Variants in KCNK2 observed in about 807,000 individuals in gnomAD.
KCNK2 encodes the protein potassium two pore domain channel subfamily K member 2, also known as potassium channel subfamily K member 2.
In KCNK2, 21 loss-of-function variants were observed where a neutral mutation model predicts 40.5. The observed-to-expected ratio is 0.52, with a 90% confidence interval of 0.37 to 0.75. The LOEUF is 0.75. Among genes scored for constraint, KCNK2 ranks in the 30% least tolerant of loss-of-function variants. The pLI is 0.00. For missense variants in KCNK2, 399 were observed against 531.6 expected (o/e 0.75, Z 2.45); for synonymous variants, 191 against 202.2 (o/e 0.94, Z 0.47).
intron 6 of KCNK2, among the ~76,000 whole-genome samples, chr1:215,224,064 A>T (rs983440264): frequency 6.6e-6 from 1 of 152,164 alleles, no homozygotes; most frequent in African/African-American, 2.4e-5. Context: ...GTCTAAGTTT[A>T]TATAGATAAG....
At chr1:215,080,617 A>G (rs941643811), upstream of KCNK2, among the ~76,000 whole-genome samples, 11 of 152,216 alleles carry the variant, frequency 7.2e-5, no homozygotes, top group Non-Finnish European at 1.5e-4. Flanking sequence ...TATTATGGTG[A>G]ACAGAGAGAT....
At chr1:215,226,671 C>T (rs1666398880) in intron 6 of KCNK2, among the ~76,000 whole-genome samples, 1 of 152,018 alleles carries the variant, frequency 6.6e-6, no homozygotes, top group African/African-American at 2.4e-5. Context: ...GATGATAAAG[C>T]TCAGGTTCTG....
chr1:215,127,506 C>T (rs990975036), intron 3 of KCNK2, among the ~76,000 whole-genome samples: 3 of 152,108 alleles, frequency 2.0e-5, no homozygotes, highest in African/African-American at 7.2e-5. Context: ...TATACCAGTC[C>T]TGTTGGCTTT....
intron 2 of KCNK2, among the ~76,000 whole-genome samples, chr1:215,113,768 G>A (rs547597931): frequency 6.6e-5 from 10 of 152,150 alleles, no homozygotes; most frequent in African/African-American, 2.4e-4. Context: ...GATAACTTTT[G>A]TATTTTTAGT....
At chr1:215,141,611 C>A (rs1050400846) in intron 3 of KCNK2, among the ~76,000 whole-genome samples, 1 of 152,082 alleles carries the variant, frequency 6.6e-6, no homozygotes, top group South Asian at 2.1e-4. Flanking sequence ...TTCATACTTG[C>A]AAATGGCTTT....
chr1:215,012,414 G>A (rs781248593), intron 1 of KCNK2, among the ~76,000 whole-genome samples: 1 of 151,640 alleles, frequency 6.6e-6, no homozygotes, highest in East Asian at 1.9e-4. Flanking sequence ...CTTTTCATGT[G>A]TTATTTGCAA....
At chr1:215,056,820 C>G (rs937300445) in intron 1 of KCNK2, among the ~76,000 whole-genome samples, 30 of 151,936 alleles carry the variant, frequency 2.0e-4, no homozygotes, top group African/African-American at 7.0e-4. Flanking sequence ...GCAGAGACCA[C>G]AGAACCACAT....
intron 1 of KCNK2, among the ~76,000 whole-genome samples, chr1:215,025,572 A>G (rs1042719467): frequency 1.3e-5 from 2 of 152,056 alleles, no homozygotes; most frequent in Non-Finnish European, 2.9e-5. Flanking sequence ...ATGTCACATT[A>G]TATATTATGT....
chr1:215,221,283 A>C (rs1312994434), intron 6 of KCNK2, among the ~76,000 whole-genome samples: 1 of 152,024 alleles, frequency 6.6e-6, no homozygotes, highest in African/African-American at 2.4e-5. Flanking sequence ...CTGAGGCAGG[A>C]GAGTTGCTTG....
At chr1:215,156,617 A>G (rs1392345154) in intron 3 of KCNK2, among the ~76,000 whole-genome samples, 2 of 152,154 alleles carry the variant, frequency 1.3e-5, no homozygotes, top group Non-Finnish European at 2.9e-5. Context: ...ATAATGAACT[A>G]CCTGAGACTG....
At chr1:215,114,937 G>T (rs1660858193) in intron 2 of KCNK2, among the ~76,000 whole-genome samples, 1 of 151,400 alleles carries the variant, frequency 6.6e-6, no homozygotes, top group African/African-American at 2.4e-5. Context: ...GACTAATTTG[G>T]GTTGTAGGAA....
intron 3 of KCNK2, among the ~76,000 whole-genome samples, chr1:215,157,493 C>T (rs376592964): frequency 6.6e-6 from 1 of 152,194 alleles, no homozygotes; most frequent in East Asian, 1.9e-4. Context: ...TCTTTGGAAG[C>T]CAGAATGACT....
intron 1 of KCNK2, among the ~76,000 whole-genome samples, chr1:215,041,498 C>G (rs1275875929): frequency 6.6e-6 from 1 of 152,226 alleles, no homozygotes; most frequent in South Asian, 2.1e-4. Flanking sequence ...TAACTTTTTC[C>G]TAAAATGAGG....
chr1:215,006,997 C>CTATATATATATA (rs199497700), intron 1 of KCNK2, among the ~76,000 whole-genome samples: 79 of 81,664 alleles, frequency 9.7e-4, no homozygotes, highest in African/African-American at 3.1e-3. Flanking sequence ...GACCAATTCA[C>CTATATATATATA]TATATATATA....
At chr1:215,064,716 C>T (rs1198030140) in intron 1 of KCNK2, among the ~76,000 whole-genome samples, 1 of 152,132 alleles carries the variant, frequency 6.6e-6, no homozygotes, top group Non-Finnish European at 1.5e-5. Context: ...GAAACAGGGG[C>T]CACTCTGTTT....
chr1:215,189,101 T>C (rs1219251656), intron 5 of KCNK2, among the ~76,000 whole-genome samples: 1 of 152,184 alleles, frequency 6.6e-6, no homozygotes, highest in Non-Finnish European at 1.5e-5. Context: ...CACTCCCTGA[T>C]TTAACTTGTG....
chr1:215,175,436 A>G (rs1442618274), intron 5 of KCNK2, among the ~76,000 whole-genome samples: 1 of 137,888 alleles, frequency 7.3e-6, no homozygotes, highest in African/African-American at 2.5e-5. Flanking sequence ...TTGATACCAA[A>G]TGTCTGCCTC....
intron 1 of KCNK2, among the ~76,000 whole-genome samples, chr1:215,037,184 G>A (rs879672085): frequency 2.0e-5 from 3 of 151,372 alleles, no homozygotes; most frequent in East Asian, 1.9e-4. Flanking sequence ...TTTTCTTTTC[G>A]TAGTCAATTA....
intron 3 of KCNK2, among the ~76,000 whole-genome samples, chr1:215,125,129 G>A (rs538806248): frequency 1.3e-5 from 2 of 152,136 alleles, no homozygotes; most frequent in South Asian, 4.2e-4. Context: ...GTTCTTACGT[G>A]ATATCACCTT....
Sources: gnomAD v4.1 joint callset for allele counts (sites outside exome capture counted in the v4.1 genomes callset) on GRCh38, gnomAD v4.1.1 for gene constraint, MANE v1.5 for transcripts, NCBI Gene and HGNC (gene_info 2026-07-23, HGNC 2026-07-21) for gene names.